HPS3: variants seen among roughly 807,000 people sequenced by gnomAD.
The protein encoded by HPS3 is HPS3 biogenesis of lysosomal organelles complex 2 subunit 1, also known as BLOC-2 complex member HPS3.
In HPS3, 79 loss-of-function variants were observed where a neutral mutation model predicts 110.9. The ratio of observed to expected loss-of-function variants is 0.71; its 90% confidence interval spans 0.59 to 0.86. The LOEUF (loss-of-function observed/expected upper bound fraction) is 0.86. Ranked by LOEUF, HPS3 falls within the 40% of genes least tolerant of loss-of-function variation. The pLI, the probability that HPS3 is intolerant of heterozygous loss-of-function variation, is 0.00. For missense variants in HPS3, 1,197 were observed against 1,206.2 expected, an observed-to-expected ratio of 0.99 and a Z score of 0.11; for synonymous variants, 428 against 451.0, an observed-to-expected ratio of 0.95 and a Z score of 0.65.
intron 14 of HPS3, among the ~76,000 whole-genome samples, chr3:149,164,908 A>G (rs1466479996): frequency 6.6e-6 from 1 of 151,982 alleles, no homozygotes; most frequent in East Asian, 1.9e-4. Context: ...GCAATACCTC[A>G]TTTACACTAT....
intron 16 of HPS3, among the ~76,000 whole-genome samples, chr3:149,171,312 T>C (rs942488687): frequency 3.3e-5 from 5 of 152,140 alleles, no homozygotes; most frequent in African/African-American, 7.2e-5. Context: ...AGAACACCAT[T>C]GCAGTTTGGG....
At chr3:149,130,412 G>T (rs1347832436) in intron 1 of HPS3, 2 of 165,086 alleles carry the variant, frequency 1.2e-5, no homozygotes, top group Non-Finnish European at 2.7e-5. Context: ...ACTTCCGGTC[G>T]GTTTTTGAAA....
At position 149,167,179 on chromosome 3, in the gene HPS3, TA is replaced by T. The variant is rs1724509208; in HGVS notation, c.2736del (p.Glu913ArgfsTer15). On this transcript the variant is annotated frameshift_variant, in exon 15 of 17. Transcript: ENST00000296051. LOFTEE classifies it high-confidence loss of function. ...KEYEQCIDIL[L>X]ERCPEAVIPY... Reference sequence around the variant, plus strand: ...TATGAACAGTGCATAGACATACTGTTAGAGAGATGCCCGGAGGCAGTCATTC... The same window carrying T: ...TATGAACAGTGCATAGACATACTGTTGAGAGATGCCCGGAGGCAGTCATTC... 6.2e-7 allele frequency: 1 copy of T among 1,613,994 alleles called. No homozygotes were observed. Among genetic ancestry groups the T allele is most frequent in the Non-Finnish European group, 8.5e-7 (1 of 1,179,890 alleles).
chr3:149,141,260 T>C, intron 3 of HPS3, 35 bp from the exon 4 acceptor site: 2 of 1,606,944 alleles, frequency 1.2e-6, no homozygotes, highest in Non-Finnish European at 1.7e-6. Flanking sequence ...ATGGAAGTTA[T>C]ATTTTTCCCT....
intron 16 of HPS3, among the ~76,000 whole-genome samples, chr3:149,171,105 C>T (rs1724936888): frequency 6.6e-6 from 1 of 152,142 alleles, no homozygotes; most frequent in African/African-American, 2.4e-5. Flanking sequence ...TGGTGAAACC[C>T]TGTCTCTACT....
In HPS3 at chr3:149,150,671, C is replaced by T; in HGVS notation, c.1236C>T (p.Thr412=). The T allele has an allele frequency of 1.2e-6, 2 of 1,612,824 alleles. No individual in the cohort carries two copies. The part of the protein sequence containing the change: ...AAREEDPYMD[T]TLKACPPVSM... ...GTGAGGAGGACCCGTACATGGACAC[C>T]ACCCTGAAGGTAAGAACTGGCTTAT... Residue 412 remains threonine (T), a synonymous_variant, in exon 6 of 17, where the codon ACC becomes ACT. Transcript: ENST00000296051.
At chr3:149,161,570 C>G (rs1049087858) in intron 11 of HPS3, among the ~76,000 whole-genome samples, 2 of 136,962 alleles carry the variant, frequency 1.5e-5, no homozygotes, top group Non-Finnish European at 3.0e-5. Context: ...AGTGCAGTGG[C>G]GCAATCTCAG....
At chr3:149,141,658 C>T (rs1026833244) in intron 4 of HPS3, among the ~76,000 whole-genome samples, 6 of 151,118 alleles carry the variant, frequency 4.0e-5, no homozygotes, top group South Asian at 4.2e-4. Flanking sequence ...CTCAGCCTCC[C>T]GAGTAGCTGG....
At chr3:149,169,385 T>C (rs57620295) in intron 16 of HPS3, among the ~76,000 whole-genome samples, 17,354 of 152,198 alleles carry the variant, frequency 0.11, 1,121 homozygotes, top group African/African-American at 0.18. Context: ...GTCGTGAGAC[T>C]AAATGAGAAG....
chr3:149,156,964 A>G (rs892167984), intron 8 of HPS3, among the ~76,000 whole-genome samples: 5 of 152,232 alleles, frequency 3.3e-5, no homozygotes, highest in Non-Finnish European at 7.3e-5. Context: ...AAGAATACTC[A>G]GTCTAAATTT....
chr3:149,156,140 G>T (rs1723442582), intron 8 of HPS3, among the ~76,000 whole-genome samples: 1 of 152,086 alleles, frequency 6.6e-6, no homozygotes, highest in Non-Finnish European at 1.5e-5. Context: ...TCTCTTTTAT[G>T]CACTCTGTGC....
Position 149,162,286 on chromosome 3 carries a change from CAGA to C in HPS3, c.2250_2252del (p.Lys750del), listed in dbSNP as rs1206197599. ...GCTTGTGGCTTCAGTTCTGGGCTTG[CAGA>C]AGAACAACAAAATTGGAATTGAAGA... On this transcript the variant is annotated inframe_deletion, in exon 12 of 17. Coordinates refer to ENST00000296051, the MANE Select transcript of HPS3 (RefSeq NM_032383.5). 1 of 1,613,790 alleles carries C rather than the reference CAGA, an allele frequency of 6.2e-7. No individual in the cohort carries two copies. Among genetic ancestry groups the C allele is most frequent in the Non-Finnish European group, 8.5e-7 (1 of 1,179,936 alleles).
chr3:149,162,733 T>C lies in HPS3; in HGVS notation c.2336T>C (p.Val779Ala). Residue 779 changes from valine to alanine, a missense_variant, in exon 13 of 17, where the codon GTA (valine) becomes GCA (alanine). Transcript: ENST00000296051. The part of the protein sequence containing the change: ...KDEDTIPQLL[V>A]DFWEAQLVAC... ...GAAGATACAATTCCTCAGCTCTTGG[T>C]AGACTTTTGGGAAGCTCAGCTAGTG... The C allele has an allele frequency of 6.2e-7, 1 of 1,614,082 alleles. No homozygotes were observed. The highest frequency in any genetic ancestry group is 1.1e-5 in the South Asian group (1 of 91,090).
At chr3:149,147,771 G>A (rs1467505948) in intron 5 of HPS3, among the ~76,000 whole-genome samples, 1 of 152,142 alleles carries the variant, frequency 6.6e-6, no homozygotes, top group Non-Finnish European at 1.5e-5. Context: ...CTTATTATCA[G>A]CACTAAAGGA....
intron 6 of HPS3, among the ~76,000 whole-genome samples, chr3:149,152,415 A>G (rs1299523403): frequency 1.3e-5 from 2 of 152,152 alleles, no homozygotes; most frequent in Non-Finnish European, 2.9e-5. Context: ...CAAGGAAGAG[A>G]CAAAGGGGAG....
intron 16 of HPS3, among the ~76,000 whole-genome samples, chr3:149,169,779 G>A (rs1447852180): frequency 1.3e-5 from 2 of 152,180 alleles, no homozygotes; most frequent in African/African-American, 4.8e-5. Context: ...TTTTTGTAAT[G>A]AACCAGGCTT....
At chr3:149,158,936 C>T (rs1429181009) in intron 10 of HPS3, 90 bp downstream of exon 10, 1 of 902,724 alleles carries the variant, frequency 1.1e-6, no homozygotes, top group East Asian at 2.7e-5. Flanking sequence ...AGTCAGATTC[C>T]AAATATTTTT....
intron 16 of HPS3, among the ~76,000 whole-genome samples, 168 bp from the exon 17 acceptor site, chr3:149,171,927 G>GAA (rs1395332066): frequency 3.3e-5 from 5 of 152,036 alleles, no homozygotes; most frequent in Admixed American, 1.3e-4. Flanking sequence ...GACTGGTCTT[G>GAA]AACTCCTGAC....
chr3:149,139,910 T>G, intron 1 of HPS3, 94 bp from the exon 2 acceptor site: 1 of 1,168,758 alleles, frequency 8.6e-7, no homozygotes, highest in Non-Finnish European at 1.3e-6. Context: ...ATTCGACCAT[T>G]TGTGTTAGAA....
Sources: allele counts gnomAD v4.1 joint callset (sites outside exome capture counted in the v4.1 genomes callset), GRCh38; gene constraint gnomAD v4.1.1; transcripts MANE v1.5; gene names NCBI Gene and HGNC (gene_info 2026-07-23, HGNC 2026-07-21).